The following EPC2 variants were observed in gnomAD, a reference collection of about 807,000 sequenced individuals.
The protein encoded by EPC2 is enhancer of polycomb 2, also known as enhancer of polycomb homolog 2.
In EPC2, 14 loss-of-function variants were observed where a neutral mutation model predicts 92.1. The ratio of observed to expected loss-of-function variants is 0.15; its 90% CI spans 0.10 to 0.24. The LOEUF (loss-of-function observed/expected upper bound fraction) is 0.24, where lower values mean the gene tolerates loss of function less well. EPC2 is among the 10% of genes least tolerant of loss of function. The pLI is 1.00. For synonymous variants in EPC2, 340 were observed against 334.7 expected, an observed-to-expected ratio of 1.02 and a Z score of -0.17; for missense variants, 755 against 971.5, an observed-to-expected ratio of 0.78 and a Z score of 2.96.
At chr2:148,685,766 C>CAAAAAATAAAAATA (rs1386449386) in intron 1 of EPC2, among the ~76,000 whole-genome samples, 2 of 151,946 alleles carry the variant, frequency 1.3e-5, no homozygotes, top group Non-Finnish European at 2.9e-5. Context: ...GATTCCATCT[C>CAAAAAATAAAAATA]AAAAAATAAA....
At chr2:148,762,089 T>C (rs72864220) in intron 5 of EPC2, 159 bp downstream of exon 5, 13,328 of 575,778 alleles carry the variant, frequency 0.023, 248 homozygotes, top group Non-Finnish European at 0.026. Flanking sequence ...TTACTAGTTT[T>C]TATAGATTAA....
intron 1 of EPC2, among the ~76,000 whole-genome samples, chr2:148,683,996 C>G (rs1490417354): frequency 6.6e-6 from 1 of 152,172 alleles, no homozygotes; most frequent in Non-Finnish European, 1.5e-5. Context: ...TAAAAGTGTT[C>G]CTTTTTACCA....
chr2:148,669,855 T>G (rs116266432), intron 1 of EPC2, among the ~76,000 whole-genome samples: 3,921 of 152,256 alleles, frequency 0.026, 59 homozygotes, highest in East Asian at 0.032. Context: ...TCCAATGCCC[T>G]TTAAATTTTG....
intron 10 of EPC2, 79 bp downstream of exon 10, chr2:148,771,466 C>T: frequency 7.5e-7 from 1 of 1,339,036 alleles, no homozygotes; most frequent in South Asian, 1.4e-5. Flanking sequence ...TTTATCTTAA[C>T]CTACTTAATT....
rs1052806793 is a variant in EPC2 at position 148,759,255 on chromosome 2, G to A, written c.667-2527G>A. ...TTACAGGCGCCCATCACCACACCCA[G>A]CTAATTTTTGTATTTTTAGTAGAGA... On this transcript the variant is annotated intron_variant, in intron 4 of 13. Coordinates refer to ENST00000258484, the MANE Select transcript of EPC2 (RefSeq NM_015630.4). 2.6e-5 allele frequency among the ~76,000 whole-genome samples: 4 copies of A among 152,066 alleles called. No individual in the cohort carries two copies. The East Asian group carries it at 7.7e-4, about 29-fold the overall frequency.
chr2:148,736,890 A>T (rs116356385), intron 2 of EPC2, among the ~76,000 whole-genome samples: 1 of 151,790 alleles, frequency 6.6e-6, no homozygotes, highest in African/African-American at 2.4e-5. Context: ...GCTTCAGCCT[A>T]GGAGTTCAAA....
intron 2 of EPC2, among the ~76,000 whole-genome samples, chr2:148,728,662 C>G (rs911364818): frequency 1.4e-5 from 2 of 145,498 alleles, no homozygotes; most frequent in Non-Finnish European, 1.5e-5. Context: ...CCTAAGAGGT[C>G]AAGGTTACAG....
chr2:148,760,959 A>G (rs1463441326), intron 4 of EPC2, among the ~76,000 whole-genome samples: 2 of 152,206 alleles, frequency 1.3e-5, no homozygotes, highest in Non-Finnish European at 1.5e-5. Flanking sequence ...GAGAGGTGGT[A>G]GTGGTCTATT....
chr2:148,717,325 GTGT>G lies in EPC2; in HGVS notation c.314-26292_314-26290del, dbSNP rs1165218571. 2.0e-5 allele frequency among the ~76,000 whole-genome samples: 3 copies of G among 150,890 alleles called. No individual in the cohort carries two copies. In the Admixed American group the frequency reaches 2.0e-4, roughly 10 times the overall value. On this transcript the variant is annotated intron_variant, in intron 2 of 13. Transcript: ENST00000258484. ...CCTTGGTCCTCTAGTTCTTTTAGCT[GTGT>G]TGTTAGGTTGTTAACTTCAGATCTT...
chr2:148,766,873 A>G (rs890715485), intron 7 of EPC2, among the ~76,000 whole-genome samples: 2 of 152,172 alleles, frequency 1.3e-5, no homozygotes, highest in East Asian at 1.9e-4. Flanking sequence ...TTTGCTATAT[A>G]TTTCCAGCCC....
At chr2:148,685,397 G>A (rs1331211903) in intron 1 of EPC2, among the ~76,000 whole-genome samples, 2 of 152,110 alleles carry the variant, frequency 1.3e-5, no homozygotes, top group African/African-American at 2.4e-5. Flanking sequence ...TTGGTTCCAA[G>A]CCACCACAAT....
chr2:148,717,457 T>C (rs1366659180), intron 2 of EPC2, among the ~76,000 whole-genome samples: 1 of 152,222 alleles, frequency 6.6e-6, no homozygotes, highest in African/African-American at 2.4e-5. Flanking sequence ...TTCTCATTAG[T>C]TTCAGAGAAA....
chr2:148,681,875 C>A (rs1033709730), intron 1 of EPC2, among the ~76,000 whole-genome samples: 1 of 152,132 alleles, frequency 6.6e-6, no homozygotes, highest in Non-Finnish European at 1.5e-5. Flanking sequence ...CCCCCTACCC[C>A]CTACCCGACA....
chr2:148,711,159 T>C (rs1463671373), intron 2 of EPC2, among the ~76,000 whole-genome samples: 1 of 152,090 alleles, frequency 6.6e-6, no homozygotes, highest in East Asian at 1.9e-4. Context: ...TTTTCTAAAA[T>C]GGAAGCTTAG....
intron 10 of EPC2, among the ~76,000 whole-genome samples, chr2:148,775,070 C>T (rs1165132441): frequency 7.2e-6 from 1 of 139,702 alleles, no homozygotes; most frequent in Non-Finnish European, 1.5e-5. Flanking sequence ...GCCTGGGCAG[C>T]AGAGCGAGAC....
chr2:148,684,341 C>G (rs1681470483), intron 1 of EPC2, among the ~76,000 whole-genome samples: 2 of 152,156 alleles, frequency 1.3e-5, no homozygotes, highest in African/African-American at 4.8e-5. Flanking sequence ...TTTTGCTGTG[C>G]AGAATCTTTA....
At position 148,644,837 on chromosome 2, in the gene EPC2, C is replaced by CG; in HGVS notation, c.-175dup. On this transcript the variant is annotated 5_prime_UTR_variant, in exon 1 of 14. Coordinates refer to ENST00000258484, the MANE Select transcript of EPC2 (RefSeq NM_015630.4). Reference sequence around the variant, plus strand: ...TAGTGTGTGGAGGCGGCCGCGGGCGCGGGGGGCTGTTTTCGGGCGGGGTGG... The same window carrying CG: ...TAGTGTGTGGAGGCGGCCGCGGGCGCGGGGGGGCTGTTTTCGGGCGGGGTGG... 9.6e-6 allele frequency: 4 copies of CG among 418,270 alleles called. No individual in the cohort carries two copies. The highest frequency in any genetic ancestry group is 4.7e-5 in the South Asian group (2 of 42,610). The allele number at this position is 418,270 out of a possible 1,614,324, so 25.9% of individuals were successfully genotyped here.
At chr2:148,711,411 T>G (rs1682141071) in intron 2 of EPC2, among the ~76,000 whole-genome samples, 1 of 152,184 alleles carries the variant, frequency 6.6e-6, no homozygotes, top group African/African-American at 2.4e-5. Flanking sequence ...TTTTTGTTAT[T>G]CATTTCTGTT....
At chr2:148,730,574 G>A (rs1465380325) in intron 2 of EPC2, among the ~76,000 whole-genome samples, 2 of 152,152 alleles carry the variant, frequency 1.3e-5, no homozygotes, top group Non-Finnish European at 2.9e-5. Flanking sequence ...ATCAGGCCCA[G>A]TAACCTGTTT....
Sources: gnomAD v4.1 joint callset for allele counts (sites outside exome capture counted in the v4.1 genomes callset) on GRCh38, gnomAD v4.1.1 for gene constraint, MANE v1.5 for transcripts, NCBI Gene and HGNC (gene_info 2026-07-23, HGNC 2026-07-21) for gene names.